The following PCDHGA6 variants were observed in gnomAD, a reference collection of about 807,000 sequenced individuals.
The protein encoded by PCDHGA6 is protocadherin gamma subfamily A, 6.
A neutral mutation model predicts 60.6 loss-of-function variants in PCDHGA6; 41 were observed. The observed-to-expected ratio is 0.68, with a 90% confidence interval of 0.53 to 0.88. The LOEUF (loss-of-function observed/expected upper bound fraction) is 0.88, where lower values mean the gene tolerates loss of function less well. Ranked by LOEUF, PCDHGA6 falls within the 40% of genes least tolerant of loss-of-function variation. The pLI, the probability that PCDHGA6 is intolerant of heterozygous loss-of-function variation, is 0.00. For synonymous variants in PCDHGA6, 594 were observed against 524.4 expected (o/e 1.13, Z -1.81); for missense variants, 1,312 against 1,203.0 (o/e 1.09, Z -1.34).
chr5:141,398,663 C>T (rs2150753348), intron 1 of PCDHGA6: 2 of 1,614,016 alleles, frequency 1.2e-6, no homozygotes, highest in Non-Finnish European at 1.7e-6. Context: ...CCAAGTTTCT[C>T]ATTAATAATT....
At chr5:141,427,440 G>A (rs747459662) in intron 1 of PCDHGA6, 1 of 477,484 alleles carries the variant, frequency 2.1e-6, no homozygotes, top group South Asian at 1.5e-5. Flanking sequence ...CCTCATAAAC[G>A]AAAGAGTTCC....
intron 1 of PCDHGA6, among the ~76,000 whole-genome samples, chr5:141,438,633 T>C (rs1222106413): frequency 2.9e-5 from 1 of 34,046 alleles, no homozygotes; most frequent in Non-Finnish European, 5.1e-5. Context: ...TATATATATA[T>C]ATACACACAC....
chr5:141,425,949 C>T (rs2096905190), intron 1 of PCDHGA6, among the ~76,000 whole-genome samples: 1 of 152,224 alleles, frequency 6.6e-6, no homozygotes. Flanking sequence ...GTTTCCTATA[C>T]ATTAGTCCAA....
In PCDHGA6 at chr5:141,489,493, G is replaced by C. The variant is rs1485293604; in HGVS notation, c.2425-5314G>C. 3 of 1,614,078 alleles carry C rather than the reference G, an allele frequency of 1.9e-6. No homozygotes were observed. The South Asian group carries it at 3.3e-5, about 18-fold the overall frequency. On this transcript the variant is annotated intron_variant, in intron 1 of 3. Coordinates refer to ENST00000517434, the MANE Select transcript of PCDHGA6 (RefSeq NM_018919.3). This position sits in a 1 kb window ranked among gnomAD's most constrained non-coding sequence, Gnocchi z 4.5. Reference sequence around the variant, plus strand: ...CCTGAGCTTGATGAGTGGTGCCCTGGCAGTGAATCAAAAGATTGACCGAGA... The same window carrying C: ...CCTGAGCTTGATGAGTGGTGCCCTGCCAGTGAATCAAAAGATTGACCGAGA...
chr5:141,419,945 T>C (rs2096451536), intron 1 of PCDHGA6: 4 of 1,614,088 alleles, frequency 2.5e-6, no homozygotes, highest in Middle Eastern at 1.6e-4. Context: ...GGTGGTGGCC[T>C]TGGCCTTGAT....
Position 141,374,291 on chromosome 5 carries a change from G to C in PCDHGA6, c.208G>C (p.Gly70Arg). ...GCACGGAGTCCGCATCGTCTCCAGA[G>C]GTAGGATGCAGCTTTTCTCTCTGAA... ...AEHGVRIVSRGRMQLFSLNPR... is the reference protein window; with the variant it reads ...AEHGVRIVSRRRMQLFSLNPR... The change falls in exon 1 of 4, where the codon GGT (glycine) becomes CGT (arginine). Residue 70 changes from glycine to arginine, a missense_variant. By Grantham distance (125) the Gly-to-Arg change is moderately radical (BLOSUM62 -2). Coordinates refer to ENST00000517434, the MANE Select transcript of PCDHGA6 (RefSeq NM_018919.3). 1 of 1,613,976 alleles carries C rather than the reference G, an allele frequency of 6.2e-7. No homozygotes were observed.
Position 141,389,013 on chromosome 5 carries a change from A to G in PCDHGA6, c.2424+12506A>G, listed in dbSNP as rs187666474. 2.5e-6 allele frequency: 4 copies of G among 1,614,010 alleles called. No homozygotes were observed. The African/African-American group carries it at 4.0e-5, about 16-fold the overall frequency. On this transcript the variant is annotated intron_variant, in intron 1 of 3. Coordinates refer to ENST00000517434, the MANE Select transcript of PCDHGA6 (RefSeq NM_018919.3). ...AGTCCGTGACAAGGATTCCAGACAC[A>G]ATGGAGAAGTGACTTGTAAATTGGA...
At chr5:141,445,213 A>C (rs775782586) in intron 1 of PCDHGA6, among the ~76,000 whole-genome samples, 1 of 152,226 alleles carries the variant, frequency 6.6e-6, no homozygotes, top group Non-Finnish European at 1.5e-5. Context: ...TTGAAAAGTA[A>C]GAGGTGCAAA....
At chr5:141,425,258 G>T (rs965944291) in intron 1 of PCDHGA6, among the ~76,000 whole-genome samples, 2 of 152,134 alleles carry the variant, frequency 1.3e-5, no homozygotes, top group Non-Finnish European at 2.9e-5. Context: ...GAGGTATTTG[G>T]CTGGGAAAAG....
At chr5:141,403,875 A>T in intron 1 of PCDHGA6, 1 of 1,613,816 alleles carries the variant, frequency 6.2e-7, no homozygotes, top group Non-Finnish European at 8.5e-7. Flanking sequence ...AAAAGTCTAG[A>T]TTATGAAGAA....
rs373297942 is a variant in PCDHGA6 at position 141,431,494 on chromosome 5, C to G, written c.2424+54987C>G. ...ACAACGCACCAGCGTTTGCTCAGCCCGAGTACCGCGCGAGCGTTCCGGAGA... is the reference window on the plus strand; with the variant it reads ...ACAACGCACCAGCGTTTGCTCAGCCGGAGTACCGCGCGAGCGTTCCGGAGA... On this transcript the variant is annotated intron_variant, in intron 1 of 3. Transcript: ENST00000517434. This position sits in a 1 kb window ranked among gnomAD's most constrained non-coding sequence, Gnocchi z 4.8. 16 of 1,613,838 alleles carry G rather than the reference C, an allele frequency of 9.9e-6. No individual in the cohort carries two copies. The highest frequency in any genetic ancestry group is 1.4e-5 in the Non-Finnish European group (16 of 1,180,030).
intron 1 of PCDHGA6, chr5:141,400,578 T>C: frequency 6.2e-7 from 1 of 1,610,934 alleles, no homozygotes; most frequent in Non-Finnish European, 8.5e-7. Context: ...TTTCTGTATT[T>C]ACATGAAACT....
chr5:141,408,439 G>A (rs1057408625), intron 1 of PCDHGA6: 4 of 1,613,950 alleles, frequency 2.5e-6, no homozygotes, highest in Non-Finnish European at 3.4e-6. Flanking sequence ...GCGTAGACGC[G>A]GAGAGCGGGG....
At chr5:141,473,750 G>A (rs777343462) in intron 1 of PCDHGA6, among the ~76,000 whole-genome samples, 3 of 152,192 alleles carry the variant, frequency 2.0e-5, no homozygotes, top group Non-Finnish European at 4.4e-5. Context: ...TGAGAACTTG[G>A]ATACTATGCA....
chr5:141,477,951 G>T lies in PCDHGA6; in HGVS notation c.2425-16856G>T. 3 of 1,614,120 alleles carry T rather than the reference G, an allele frequency of 1.9e-6. No homozygotes were observed. The highest frequency in any genetic ancestry group is 2.5e-6 in the Non-Finnish European group (3 of 1,180,024). Reference sequence around the variant, plus strand: ...GCCTGGCTCTCCTACAGTCTCTTGGGATCCCCTAACCAGAGCCTTTTTGCC... The same window carrying T: ...GCCTGGCTCTCCTACAGTCTCTTGGTATCCCCTAACCAGAGCCTTTTTGCC... On this transcript the variant is annotated intron_variant, in intron 1 of 3. Transcript: ENST00000517434. The surrounding 1 kb of genome is among the most constrained non-coding windows in gnomAD (Gnocchi z 4.9).
intron 1 of PCDHGA6, chr5:141,384,943 G>A (rs777478209): frequency 5.6e-6 from 9 of 1,613,996 alleles, no homozygotes; most frequent in African/African-American, 2.7e-5. Context: ...TGAGCCCTCC[G>A]ACGGTCCTTA....
At chr5:141,408,847 G>A in intron 1 of PCDHGA6, 1 of 1,613,498 alleles carries the variant, frequency 6.2e-7, no homozygotes, top group African/African-American at 1.3e-5. Flanking sequence ...TGACTGCCTT[G>A]GACGGAGGGG....
At chr5:141,480,414 C>CA (rs10712552) in intron 1 of PCDHGA6, among the ~76,000 whole-genome samples, 44 of 147,474 alleles carry the variant, frequency 3.0e-4, no homozygotes, top group Non-Finnish European at 4.4e-4. Context: ...GACCCTGTCT[C>CA]AAAAAAAAAA....
intron 1 of PCDHGA6, among the ~76,000 whole-genome samples, chr5:141,463,527 G>C (rs12109431): frequency 1.5e-5 from 2 of 131,102 alleles, no homozygotes; most frequent in Non-Finnish European, 3.1e-5. Context: ...CGGCTTACTA[G>C]AAACTCCGGC....
Sources: allele counts gnomAD v4.1 joint callset (sites outside exome capture counted in the v4.1 genomes callset), GRCh38; gene constraint gnomAD v4.1.1; non-coding constraint Gnocchi (gnomAD v3.1); transcripts MANE v1.5; gene names NCBI Gene and HGNC (gene_info 2026-07-23, HGNC 2026-07-21).